The following EDC4 variants were observed in gnomAD, a reference collection of about 807,000 sequenced individuals.
EDC4 encodes the protein enhancer of mRNA-decapping protein 4.
A neutral mutation model predicts 155.8 loss-of-function variants in EDC4; 64 were observed. The observed-to-expected ratio is 0.41, with a 90% CI of 0.34 to 0.51. The LOEUF is 0.51. Among genes scored for constraint, EDC4 ranks in the 20% least tolerant of loss-of-function variants. EDC4 has a pLI of 0.19. For missense variants in EDC4, 1,303 were observed against 1,812.5 expected (o/e 0.72, Z 5.10); for synonymous variants, 684 against 716.8 (o/e 0.95, Z 0.73).
Position 67,879,863 on chromosome 16 carries a change from CCAGCAGCAGCAGCAGCGGTAGCAGCAG to C in EDC4, c.1848_1874del (p.Gly618_Ser626del). ...GCATCTCCCCAGATCACTGCCTCTC[CCAGCAGCAGCAGCAGCGGTAGCAGCAG>C]CAGCAGCAGCAGTAGCAGCAGCTCC... is the stretch of plus-strand genomic sequence containing the variant. On this transcript the variant is annotated inframe_deletion, in exon 16 of 29. Coordinates refer to ENST00000358933, the MANE Select transcript of EDC4 (RefSeq NM_014329.5). This position sits in a 1 kb window ranked among gnomAD's most constrained non-coding sequence, Gnocchi z 6.0. 1 of 1,612,788 alleles carries C rather than the reference CCAGCAGCAGCAGCAGCGGTAGCAGCAG, an allele frequency of 6.2e-7. No individual in the cohort carries two copies.
chr16:67,883,646 C>T lies in EDC4; in HGVS notation c.3928C>T (p.Pro1310Ser), dbSNP rs775464608. The change falls in exon 28 of 29, where the codon CCC (proline) becomes TCC (serine). Residue 1310 changes from proline to serine, a missense_variant. By Grantham distance (74) the Pro-to-Ser change is moderately conservative (BLOSUM62 -1). Transcript: ENST00000358933. This position sits in a 1 kb window ranked among gnomAD's most constrained non-coding sequence, Gnocchi z 5.3. ...VDPAQVFGQP[P>S]CPLSQPVLLS... Reference sequence around the variant, plus strand: ...CCCAGCCCAGGTTTTTGGGCAGCCACCCTGCCCGCTCTCCCAGCCTGTGCT... The same window carrying T: ...CCCAGCCCAGGTTTTTGGGCAGCCATCCTGCCCGCTCTCCCAGCCTGTGCT... 3 of 1,614,186 alleles carry T rather than the reference C, an allele frequency of 1.9e-6. No individual in the cohort carries two copies. The highest frequency in any genetic ancestry group is 3.3e-5 in the Admixed American group (2 of 60,032).
Position 67,882,186 on chromosome 16 carries a change from C to T in EDC4, c.3161-26C>T. On this transcript the variant is annotated intron_variant, in intron 23 of 28. Coordinates refer to ENST00000358933, the MANE Select transcript of EDC4 (RefSeq NM_014329.5). The surrounding 1 kb of genome is among the most constrained non-coding windows in gnomAD (Gnocchi z 7.2). ...CCTGTCAAGCTTCTTCTCATGGCTCCACCTCACCCTCTTCCCCTCTCCCAG... is the reference window on the plus strand; with the variant it reads ...CCTGTCAAGCTTCTTCTCATGGCTCTACCTCACCCTCTTCCCCTCTCCCAG... 6.2e-7 allele frequency: 1 copy of T among 1,613,344 alleles called. No individual in the cohort carries two copies. Among genetic ancestry groups the T allele is most frequent in the Non-Finnish European group, 8.5e-7 (1 of 1,179,738 alleles).
Position 67,878,709 on chromosome 16 carries a change from T to C in EDC4, c.1185-28T>C. The C allele has an allele frequency of 6.2e-7, 1 of 1,614,196 alleles. No individual in the cohort carries two copies. The highest frequency in any genetic ancestry group is 8.5e-7 in the Non-Finnish European group (1 of 1,180,034). On this transcript the variant is annotated intron_variant, in intron 10 of 28. Transcript: ENST00000358933. The surrounding 1 kb of genome is among the most constrained non-coding windows in gnomAD (Gnocchi z 5.2). ...ATGTAGCTTCCTTCAGTTCTCAGGCTCATTCACTCTGCTTTGTGGCTCTCT... is the reference window on the plus strand; with the variant it reads ...ATGTAGCTTCCTTCAGTTCTCAGGCCCATTCACTCTGCTTTGTGGCTCTCT...
In EDC4 at chr16:67,878,113, G is replaced by T; in HGVS notation, c.895-53G>T. On this transcript the variant is annotated intron_variant, in intron 7 of 28. Transcript: ENST00000358933. This position sits in a 1 kb window ranked among gnomAD's most constrained non-coding sequence, Gnocchi z 5.2. Reference sequence around the variant, plus strand: ...GCCCAGCTCATTGCCATCCTCACTTGGGAGGGGCTTGTTCTCACCTCTAGT... The same window carrying T: ...GCCCAGCTCATTGCCATCCTCACTTTGGAGGGGCTTGTTCTCACCTCTAGT... 6.2e-7 allele frequency: 1 copy of T among 1,609,526 alleles called. No homozygotes were observed. The highest frequency in any genetic ancestry group is 1.1e-5 in the South Asian group (1 of 90,556).
rs2058026239 is a variant in EDC4, at chr16:67,873,140, C to A, written c.-122C>A. 3 of 704,866 alleles carry A rather than the reference C, an allele frequency of 4.3e-6. No individual in the cohort carries two copies. The highest frequency in any genetic ancestry group is 6.2e-6 in the Non-Finnish European group (3 of 481,378). The allele number at this position is 704,866 out of a possible 1,614,324, so 43.7% of individuals were successfully genotyped here. ...TGCGCGGGTGGCGGTTTGCGAACTG[C>A]GGGTGGACTGTGTAGTGACCGGCGT... is the stretch of plus-strand genomic sequence containing the variant. On this transcript the variant is annotated 5_prime_UTR_variant, in exon 1 of 29. Coordinates refer to ENST00000358933, the MANE Select transcript of EDC4 (RefSeq NM_014329.5).
chr16:67,883,397 C>T lies in EDC4; in HGVS notation c.3850-171C>T. ...TTTACAACTACCCTTCTCAGGAACC[C>T]ATTTCCCAATCCCCTAGGGTAACTA... On this transcript the variant is annotated intron_variant, in intron 27 of 28. Coordinates refer to ENST00000358933, the MANE Select transcript of EDC4 (RefSeq NM_014329.5). This position sits in a 1 kb window ranked among gnomAD's most constrained non-coding sequence, Gnocchi z 5.3. 19 of 1,291,552 alleles carry T rather than the reference C, an allele frequency of 1.5e-5. No homozygotes were observed. Among genetic ancestry groups the T allele is most frequent in the Non-Finnish European group, 1.9e-5 (18 of 939,970 alleles). 80.0% of individuals were successfully genotyped at this position (1,291,552 alleles called of 1,614,324 possible). A position where few individuals can be genotyped will look rare whatever the true frequency, so the allele number is the denominator to read the frequency against.
At position 67,884,195 on chromosome 16, in the gene EDC4, C is replaced by A; in HGVS notation, c.*47C>A. The A allele has an allele frequency of 6.6e-7, 1 of 1,523,782 alleles. No homozygotes were observed. The highest frequency in any genetic ancestry group is 8.9e-7 in the Non-Finnish European group (1 of 1,128,716). 94.4% of individuals were successfully genotyped at this position (1,523,782 alleles called of 1,614,324 possible). ...GGGGTGGGATGGCACTGAAGGCCAG[C>A]AGACAGGCCTAGGCTGGGGCAGGGT... On this transcript the variant is annotated 3_prime_UTR_variant, in exon 29 of 29. Transcript: ENST00000358933. This position sits in a 1 kb window ranked among gnomAD's most constrained non-coding sequence, Gnocchi z 4.1.
In EDC4 at chr16:67,876,074, C is replaced by G. The variant is rs769061225; in HGVS notation, c.212C>G (p.Pro71Arg). 2.5e-6 allele frequency: 4 copies of G among 1,614,108 alleles called. No homozygotes were observed. Among genetic ancestry groups the G allele is most frequent in the Admixed American group, 1.7e-5 (1 of 60,000 alleles). ...AAGACTGGTCTTCGGACCATGCCAC[C>G]CATTAACCTGCAAGAGAAGCAGGTC... Reference protein sequence around the residue: ...ANKTGLRTMPPINLQEKQVIC... With the variant: ...ANKTGLRTMPRINLQEKQVIC... Residue 71 changes from proline (P) to arginine (R), a missense_variant, in exon 2 of 29, where the codon CCC becomes CGC. By Grantham distance (103) the Pro-to-Arg change is moderately radical (BLOSUM62 -2). This residue lies in a region of EDC4 where 99 missense variants were observed against 121.3 expected (regional missense o/e 0.82). Transcript: ENST00000358933. This position sits in a 1 kb window ranked among gnomAD's most constrained non-coding sequence, Gnocchi z 5.8.
Position 67,883,660 on chromosome 16 carries a change from C to G in EDC4, c.3942C>G (p.Ser1314=), listed in dbSNP as rs2151306630. 2 of 1,614,204 alleles carry G rather than the reference C, an allele frequency of 1.2e-6. No individual in the cohort carries two copies. Among genetic ancestry groups the G allele is most frequent in the Non-Finnish European group, 1.7e-6 (2 of 1,180,036 alleles). The change falls in exon 28 of 29, where the codon TCC becomes TCG. Residue 1314 remains serine, a synonymous_variant. Coordinates refer to ENST00000358933, the MANE Select transcript of EDC4 (RefSeq NM_014329.5). The surrounding 1 kb of genome is among the most constrained non-coding windows in gnomAD (Gnocchi z 5.3). ...QVFGQPPCPL[S]QPVLLSLIQQ... is the part of the protein sequence containing the mutation. ...TTGGGCAGCCACCCTGCCCGCTCTC[C>G]CAGCCTGTGCTCCTTTCCCTCATCC...
Position 67,879,780 on chromosome 16 carries a change from C to T in EDC4, c.1821+6C>T, listed in dbSNP as rs367699566. 7.6e-5 allele frequency: 122 copies of T among 1,613,804 alleles called. No individual in the cohort carries two copies. Among genetic ancestry groups the T allele is most frequent in the Non-Finnish European group, 9.7e-5 (115 of 1,179,838 alleles). ...CTAGCGCCTCCTTGCAGCAGGTACT[C>T]TCCCAGGGTAGGGGGACCTGGGAAT... On this transcript the variant is annotated splice_donor_region_variant and intron_variant, in intron 15 of 28. Transcript: ENST00000358933. This position sits in a 1 kb window ranked among gnomAD's most constrained non-coding sequence, Gnocchi z 6.0.
In EDC4 at chr16:67,883,750, G is replaced by A. The variant is rs1446987825; in HGVS notation, c.4013+19G>A. ...AGCTCAGGTAAGTGGGGACAGCCAG[G>A]GATGGGGAGATGAGCTGGGGAGTGG... is the stretch of plus-strand genomic sequence containing the variant. On this transcript the variant is annotated intron_variant, in intron 28 of 28. Transcript: ENST00000358933. This position sits in a 1 kb window ranked among gnomAD's most constrained non-coding sequence, Gnocchi z 5.3. The A allele has an allele frequency of 8.1e-6, 13 of 1,612,998 alleles. No individual in the cohort carries two copies. Among genetic ancestry groups the A allele is most frequent in the Non-Finnish European group, 1.1e-5 (13 of 1,179,392 alleles).
rs751196056 is a variant in EDC4, at chr16:67,879,989, G to T, written c.1943+18G>T. 5 of 1,597,644 alleles carry T rather than the reference G, an allele frequency of 3.1e-6. No homozygotes were observed. The highest frequency in any genetic ancestry group is 4.3e-6 in the Non-Finnish European group (5 of 1,169,016). On this transcript the variant is annotated intron_variant, in intron 16 of 28. Coordinates refer to ENST00000358933, the MANE Select transcript of EDC4 (RefSeq NM_014329.5). The surrounding 1 kb of genome is among the most constrained non-coding windows in gnomAD (Gnocchi z 6.0). ...TTGACCAGGTGAGGCAAGGGTCAGAGATGGAGGATGGCAGGGGCTGGTACC... is the reference window on the plus strand; with the variant it reads ...TTGACCAGGTGAGGCAAGGGTCAGATATGGAGGATGGCAGGGGCTGGTACC...
Position 67,880,562 on chromosome 16 carries a change from T to A in EDC4, c.2103T>A (p.Pro701=). 3 of 1,612,888 alleles carry A rather than the reference T, an allele frequency of 1.9e-6. No individual in the cohort carries two copies. Among genetic ancestry groups the A allele is most frequent in the Non-Finnish European group, 2.5e-6 (3 of 1,179,114 alleles). The change falls in exon 18 of 29, where the codon CCT becomes CCA. Residue 701 remains proline (P), a synonymous_variant. Coordinates refer to ENST00000358933, the MANE Select transcript of EDC4 (RefSeq NM_014329.5). This position sits in a 1 kb window ranked among gnomAD's most constrained non-coding sequence, Gnocchi z 5.2. Reference sequence around the variant, plus strand: ...CCATCTTTGGCCCACCTCAGGTGCCTACTGCCACCTCTGCACTGTCCCTGG... The same window carrying A: ...CCATCTTTGGCCCACCTCAGGTGCCAACTGCCACCTCTGCACTGTCCCTGG... ...KLTPKGPGQV[P]TATSALSLEL...
Position 67,879,545 on chromosome 16 carries a change from C to T in EDC4, c.1633+42C>T. On this transcript the variant is annotated intron_variant, in intron 14 of 28. Coordinates refer to ENST00000358933, the MANE Select transcript of EDC4 (RefSeq NM_014329.5). This position sits in a 1 kb window ranked among gnomAD's most constrained non-coding sequence, Gnocchi z 6.0. ...AGGGAGGTAGGGTAAGTTGGACTGA[C>T]CAGGGTCTGAGATCTAACTCAAGTG... The T allele has an allele frequency of 6.2e-7, 1 of 1,613,918 alleles. No homozygotes were observed. Among genetic ancestry groups the T allele is most frequent in the Non-Finnish European group, 8.5e-7 (1 of 1,179,918 alleles).
At position 67,876,501 on chromosome 16, in the gene EDC4, G is replaced by A. The variant is rs2058042157; in HGVS notation, c.253G>A (p.Asp85Asn). ...QEKQVICLSG[D>N]DSSTCIGILA... ...TCTTCCCCACAGCTGTCTCTCAGGA[G>A]ATGATAGCTCCACCTGCATTGGGAT... The change falls in exon 3 of 29, where the codon GAT becomes AAT. Residue 85 changes from aspartate (D) to asparagine (N), a missense_variant. By Grantham distance (23) the Asp-to-Asn change is conservative (BLOSUM62 1). Around this residue, in one of 5 missense-constraint regions of EDC4, gnomAD observed 99 missense variants for 121.3 expected, o/e 0.82. Transcript: ENST00000358933. This position sits in a 1 kb window ranked among gnomAD's most constrained non-coding sequence, Gnocchi z 5.8. The A allele has an allele frequency of 6.2e-7, 1 of 1,614,090 alleles. No individual in the cohort carries two copies.
rs908641710 is a variant in EDC4, at chr16:67,878,904, C to T, written c.1288-53C>T. The T allele has an allele frequency of 2.4e-5, 39 of 1,610,660 alleles. No homozygotes were observed. Among genetic ancestry groups the T allele is most frequent in the African/African-American group, 1.3e-4 (10 of 74,902 alleles). ...TAGAGGAAGGCCGGGGGGCAGGTGGCGCATCACAGCCCTTAGCCTCTGAGC... is the reference window on the plus strand; with the variant it reads ...TAGAGGAAGGCCGGGGGGCAGGTGGTGCATCACAGCCCTTAGCCTCTGAGC... On this transcript the variant is annotated intron_variant, in intron 11 of 28. Coordinates refer to ENST00000358933, the MANE Select transcript of EDC4 (RefSeq NM_014329.5). This position sits in a 1 kb window ranked among gnomAD's most constrained non-coding sequence, Gnocchi z 5.2.
chr16:67,877,099 G>T lies in EDC4; in HGVS notation c.452-118G>T. The T allele has an allele frequency of 6.5e-7, 1 of 1,532,982 alleles. No individual in the cohort carries two copies. The highest frequency in any genetic ancestry group is 2.0e-5 in the Admixed American group (1 of 51,006). The allele number at this position is 1,532,982 out of a possible 1,614,324, so 95.0% of individuals were successfully genotyped here. On this transcript the variant is annotated intron_variant, in intron 4 of 28. Transcript: ENST00000358933. The surrounding 1 kb of genome is among the most constrained non-coding windows in gnomAD (Gnocchi z 4.9). ...TGTCCATGCTGCCTCTTGGGGAGCT[G>T]GGTGGGAAAACCAAGCTTGAGACTC...
At position 67,877,257 on chromosome 16, in the gene EDC4, C is replaced by T. The variant is rs2058045623; in HGVS notation, c.492C>T (p.Val164=). 2 of 1,614,142 alleles carry T rather than the reference C, an allele frequency of 1.2e-6. No homozygotes were observed. Among genetic ancestry groups the T allele is most frequent in the South Asian group, 2.2e-5 (2 of 91,082 alleles). The change falls in exon 5 of 29, where the codon GTC becomes GTT. Residue 164 remains valine, a synonymous_variant. Coordinates refer to ENST00000358933, the MANE Select transcript of EDC4 (RefSeq NM_014329.5). This position sits in a 1 kb window ranked among gnomAD's most constrained non-coding sequence, Gnocchi z 4.9. ...CTGCCATGGTGCGGGTGATCAGCGTCAGCACTTCGGAGCGGACCTTGCTCA... is the reference window on the plus strand; with the variant it reads ...CTGCCATGGTGCGGGTGATCAGCGTTAGCACTTCGGAGCGGACCTTGCTCA... ...NGSAMVRVIS[V]STSERTLLKG... is the part of the protein sequence containing the mutation.
In EDC4 at chr16:67,880,983, G is replaced by T; in HGVS notation, c.2524G>T (p.Ala842Ser). The change falls in exon 18 of 29, where the codon GCA becomes TCA. Residue 842 changes from alanine to serine, a missense_variant. Transcript: ENST00000358933. This position sits in a 1 kb window ranked among gnomAD's most constrained non-coding sequence, Gnocchi z 5.2. ...DITRETCSTL[A>S]ESPRNGLQEK... ...TACTCGTGAGACCTGCAGCACCCTGGCAGAAAGGTGAGGAGCTTGGGAGGG... is the reference window on the plus strand; with the variant it reads ...TACTCGTGAGACCTGCAGCACCCTGTCAGAAAGGTGAGGAGCTTGGGAGGG... 1 of 1,613,478 alleles carries T rather than the reference G, an allele frequency of 6.2e-7. No individual in the cohort carries two copies. Among genetic ancestry groups the T allele is most frequent in the Non-Finnish European group, 8.5e-7 (1 of 1,179,684 alleles).
Sources: allele counts gnomAD v4.1 joint callset, GRCh38; gene constraint gnomAD v4.1.1; regional missense constraint gnomAD v4.1.1; non-coding constraint Gnocchi (gnomAD v3.1); transcripts MANE v1.5; gene names NCBI Gene and HGNC (gene_info 2026-07-23, HGNC 2026-07-21).